The following UIMC1 variants were observed in gnomAD, a reference collection of about 807,000 sequenced individuals.
The protein encoded by UIMC1 is BRCA1-A complex subunit RAP80.
In UIMC1, 42 loss-of-function variants were observed where a neutral mutation model predicts 84.9. That is an observed-to-expected ratio of 0.49 (90% CI 0.39 to 0.64). The LOEUF (loss-of-function observed/expected upper bound fraction) is 0.64. Among genes scored for constraint, UIMC1 ranks in the 30% least tolerant of loss-of-function variants. UIMC1 has a pLI of 0.00. For missense variants in UIMC1, 825 were observed against 847.6 expected, an observed-to-expected ratio of 0.97 and a Z score of 0.33; for synonymous variants, 281 against 293.0, an observed-to-expected ratio of 0.96 and a Z score of 0.42.
chr5:176,922,338 ATCT>A (rs1174909231), intron 10 of UIMC1, among the ~76,000 whole-genome samples: 2 of 152,234 alleles, frequency 1.3e-5, no homozygotes, highest in Non-Finnish European at 2.9e-5. Context: ...CAACACAGTG[ATCT>A]TCTGAATTAC....
chr5:176,977,248 G>C (rs1241831432), intron 2 of UIMC1, among the ~76,000 whole-genome samples: 1 of 147,882 alleles, frequency 6.8e-6, no homozygotes, highest in African/African-American at 2.5e-5. Context: ...AAAAGAGAGA[G>C]AGAGAAATAA....
intron 10 of UIMC1, among the ~76,000 whole-genome samples, chr5:176,938,405 G>A (rs753791928): frequency 6.6e-6 from 1 of 152,088 alleles, no homozygotes; most frequent in Non-Finnish European, 1.5e-5. Flanking sequence ...CAAGTAAAGA[G>A]ATCAAACGTA....
Position 176,987,430 on chromosome 5 carries a change from G to T in UIMC1, c.-8-4807C>A, listed in dbSNP as rs563187638. Among the ~76,000 whole-genome samples the T allele has an allele frequency of 2.0e-5, 3 of 152,090 alleles. No individual in the cohort carries two copies. In the South Asian group the frequency reaches 6.2e-4, roughly 32 times the overall value. ...GGAGGCTGAGGCTGGTGTATCACTC[G>T]AGGTGAGGAGTTTGAGACCAGCCTG... On this transcript the variant is annotated intron_variant, in intron 1 of 14. Transcript: ENST00000511320.
Position 177,017,448 on chromosome 5 carries a change from C to T in UIMC1, c.-9+5016G>A, listed in dbSNP as rs578106676. On this transcript the variant is annotated intron_variant, in intron 1 of 5. Transcript: ENST00000509236. ...TCTTGCCCAGGCTGGAGTACAGTGG[C>T]GCAATCTCGGTTCACTGCAACCTCC... 8.5e-5 allele frequency among the ~76,000 whole-genome samples: 13 copies of T among 152,146 alleles called. No individual in the cohort carries two copies. In the South Asian group the frequency reaches 2.3e-3, roughly 27 times the overall value.
Position 176,969,270 on chromosome 5 carries a change from G to A in UIMC1, c.485C>T (p.Pro162Leu), listed in dbSNP as rs1768829797. The change falls in exon 6 of 15, where the codon CCA becomes CTA. Residue 162 changes from proline (P) to leucine (L), a missense_variant. Coordinates refer to ENST00000511320, the MANE Select transcript of UIMC1 (RefSeq NM_001199298.2). The stretch of plus-strand genomic sequence containing the variant: ...GATATGTGAGCCTTTAAACAGTGAT[G>A]GAGGTACCAGCTGCCATATGCCTGT... ...LTEGIWQLVPPSLFKGSHISQ... is the reference protein window; with the variant it reads ...LTEGIWQLVPLSLFKGSHISQ... 6.2e-7 allele frequency: 1 copy of A among 1,613,262 alleles called. No individual in the cohort carries two copies. Among genetic ancestry groups the A allele is most frequent in the Non-Finnish European group, 8.5e-7 (1 of 1,179,646 alleles).
chr5:176,995,537 C>CAAAAAA (rs57521139), intron 1 of UIMC1, among the ~76,000 whole-genome samples: 2 of 36,552 alleles, frequency 5.5e-5, no homozygotes, highest in Non-Finnish European at 1.1e-4. Flanking sequence ...ACTCTGTCTC[C>CAAAAAA]AAAAAAAAAA....
intron 9 of UIMC1, among the ~76,000 whole-genome samples, chr5:176,946,605 C>T (rs1190533468): frequency 2.0e-5 from 3 of 152,056 alleles, no homozygotes; most frequent in Admixed American, 6.6e-5. Context: ...GAGGCCAAGC[C>T]GAATGGATCA....
chr5:176,975,313 G>A (rs1427345347), intron 3 of UIMC1, 83 bp downstream of exon 3: 23 of 1,343,872 alleles, frequency 1.7e-5, no homozygotes, highest in Non-Finnish European at 2.3e-5. Context: ...ACCTAAGAAT[G>A]CAACATAATC....
chr5:176,940,556 T>A (rs1456602414), intron 10 of UIMC1, among the ~76,000 whole-genome samples: 1 of 152,174 alleles, frequency 6.6e-6, no homozygotes, highest in Admixed American at 6.5e-5. Context: ...CAGAATTCTT[T>A]TAGTCACTGG....
intron 1 of UIMC1, among the ~76,000 whole-genome samples, chr5:177,014,091 G>A (rs1352481391): frequency 1.6e-5 from 2 of 125,394 alleles, no homozygotes; most frequent in Admixed American, 9.7e-5. Flanking sequence ...ACAGAGTTTC[G>A]CTCTTGTTGC....
chr5:176,908,808 G>C, intron 11 of UIMC1, 114 bp from the exon 12 acceptor site: 2 of 1,098,404 alleles, frequency 1.8e-6, no homozygotes, highest in Non-Finnish European at 2.6e-6. Context: ...CTATGGAGGA[G>C]ACATATCAAC....
chr5:176,948,255 AC>A (rs1765386932), intron 9 of UIMC1, among the ~76,000 whole-genome samples: 1 of 152,258 alleles, frequency 6.6e-6, no homozygotes. Context: ...AAGAGGGACT[AC>A]ATACAGTTAT....
intron 1 of UIMC1, among the ~76,000 whole-genome samples, chr5:177,015,398 G>GT (rs1479587160): frequency 6.6e-6 from 1 of 152,136 alleles, no homozygotes; most frequent in Non-Finnish European, 1.5e-5. Flanking sequence ...CTCAGACATT[G>GT]TCAGGGTTCA....
intron 5 of UIMC1, 125 bp from the exon 6 acceptor site, chr5:176,969,416 A>C: frequency 7.0e-7 from 1 of 1,423,582 alleles, no homozygotes; most frequent in Non-Finnish European, 9.5e-7. Flanking sequence ...GTTTAACCAA[A>C]TGTTGGTTTT....
At chr5:176,979,312 C>T (rs190903420) in intron 2 of UIMC1, among the ~76,000 whole-genome samples, 73 of 152,222 alleles carry the variant, frequency 4.8e-4, no homozygotes, top group Middle Eastern at 6.8e-3. Flanking sequence ...AATACATAGT[C>T]GTTACCTTTA....
chr5:177,020,948 G>T (rs1343675532), intron 1 of UIMC1, among the ~76,000 whole-genome samples: 1 of 152,186 alleles, frequency 6.6e-6, no homozygotes, highest in African/African-American at 2.4e-5. Context: ...GGAGGGTCCA[G>T]GTTCTATTTC....
chr5:176,920,188 A>C (rs1487758714), intron 10 of UIMC1, among the ~76,000 whole-genome samples: 1 of 147,592 alleles, frequency 6.8e-6, no homozygotes, highest in Non-Finnish European at 1.5e-5. Flanking sequence ...TGCCTGGCTA[A>C]TTTTTTTTTT....
chr5:177,010,863 C>T (rs1775533663), upstream of UIMC1, among the ~76,000 whole-genome samples: 1 of 152,014 alleles, frequency 6.6e-6, no homozygotes, highest in Admixed American at 6.6e-5. Context: ...ACAAAAGAAA[C>T]CTTAATATAT....
At chr5:176,905,660 G>A (rs1759265429) in intron 14 of UIMC1, 168 bp from the exon 15 acceptor site, 1 of 702,994 alleles carries the variant, frequency 1.4e-6, no homozygotes, top group Non-Finnish European at 2.3e-6. Flanking sequence ...GAGGTCACTG[G>A]GTAAATCATA....
Sources: allele counts gnomAD v4.1 joint callset (sites outside exome capture counted in the v4.1 genomes callset), GRCh38; gene constraint gnomAD v4.1.1; transcripts MANE v1.5; gene names NCBI Gene and HGNC (gene_info 2026-07-23, HGNC 2026-07-21).